NRG1: variants seen among roughly 807,000 people sequenced by gnomAD.
NRG1 encodes pro-neuregulin-1, membrane-bound isoform.
A neutral mutation model predicts 63.8 loss-of-function variants in NRG1; 18 were observed. That is an observed-to-expected ratio of 0.28 (90% CI 0.19 to 0.42). NRG1 has a LOEUF of 0.42. Ranked by LOEUF, NRG1 falls within the 10% of genes least tolerant of loss-of-function variation. The probability of loss-of-function intolerance (pLI) is 1.00; values close to 1 mark genes in which losing one functional copy is unlikely to be tolerated. For missense variants in NRG1, 762 were observed against 814.7 expected, an observed-to-expected ratio of 0.94 and a Z score of 0.79; for synonymous variants, 302 against 301.3, an observed-to-expected ratio of 1.00 and a Z score of -0.02.
intron 1 of NRG1, among the ~76,000 whole-genome samples, chr8:32,428,093 C>T (rs1457942827): frequency 1.3e-5 from 2 of 152,174 alleles, no homozygotes; most frequent in South Asian, 2.1e-4. Flanking sequence ...TCTCTCTTCT[C>T]ATATTGATGT....
chr8:31,809,685 C>G (rs1203467032), intron 1 of NRG1, among the ~76,000 whole-genome samples: 1 of 147,646 alleles, frequency 6.8e-6, no homozygotes, highest in Non-Finnish European at 1.5e-5. Context: ...TATTGAATCC[C>G]TTAAGCTAGT....
chr8:31,965,469 C>G (rs375002742), intron 1 of NRG1, among the ~76,000 whole-genome samples: 2 of 152,060 alleles, frequency 1.3e-5, no homozygotes, highest in Non-Finnish European at 2.9e-5. Flanking sequence ...GTGATCCACC[C>G]GCCTTGGCCT....
At chr8:31,670,543 T>G (rs895843387) in intron 1 of NRG1, among the ~76,000 whole-genome samples, 1 of 151,868 alleles carries the variant, frequency 6.6e-6, no homozygotes, top group African/African-American at 2.4e-5. Context: ...AATGTACTAC[T>G]GTACAGCTGA....
intron 1 of NRG1, among the ~76,000 whole-genome samples, chr8:32,536,233 C>T (rs1164100680): frequency 6.6e-6 from 1 of 152,184 alleles, no homozygotes; most frequent in East Asian, 1.9e-4. Flanking sequence ...AGTCCTCTTC[C>T]AAGTCCATTC....
intron 1 of NRG1, among the ~76,000 whole-genome samples, chr8:32,352,888 A>AAT (rs1337916686): frequency 7.3e-6 from 1 of 137,770 alleles, no homozygotes. Context: ...AATTTTTTAA[A>AAT]ATATATATAT....
intron 1 of NRG1, among the ~76,000 whole-genome samples, chr8:32,327,237 C>T (rs1040301632): frequency 1.3e-5 from 2 of 152,202 alleles, no homozygotes; most frequent in Non-Finnish European, 2.9e-5. Context: ...TGTGATCCAA[C>T]TTTTCTTCCA....
chr8:32,570,836 A>G (rs1218607069), intron 1 of NRG1, among the ~76,000 whole-genome samples: 2 of 152,202 alleles, frequency 1.3e-5, no homozygotes, highest in African/African-American at 2.4e-5. Context: ...TTATGTTAAT[A>G]TGAATTATGA....
chr8:32,048,446 C>CAT (rs869311093), intron 1 of NRG1, among the ~76,000 whole-genome samples: 505 of 6,616 alleles, frequency 0.076, 4 homozygotes, highest in African/African-American at 0.08. Context: ...TATATACATA[C>CAT]ATATATATAT....
intron 1 of NRG1, among the ~76,000 whole-genome samples, chr8:31,656,787 C>G (rs547360526): frequency 1.3e-4 from 20 of 152,258 alleles, no homozygotes; most frequent in African/African-American, 4.3e-4. Flanking sequence ...TTTTTCTTGG[C>G]ACACTGACTT....
chr8:32,315,434 T>C (rs1470413302), intron 1 of NRG1, among the ~76,000 whole-genome samples: 1 of 152,244 alleles, frequency 6.6e-6, no homozygotes, highest in African/African-American at 2.4e-5. Flanking sequence ...GGCTACATAG[T>C]ATTCTATGGT....
intron 1 of NRG1, among the ~76,000 whole-genome samples, chr8:31,663,446 G>C (rs556624777): frequency 6.6e-6 from 1 of 152,278 alleles, no homozygotes; most frequent in East Asian, 1.9e-4. Flanking sequence ...CACTGCCCAA[G>C]GAGGGGCCAT....
At chr8:32,468,531 C>A (rs1324742288) in intron 1 of NRG1, among the ~76,000 whole-genome samples, 1 of 152,190 alleles carries the variant, frequency 6.6e-6, no homozygotes, top group African/African-American at 2.4e-5. Context: ...CTTTTCACAA[C>A]TTCTCTTTAA....
chr8:32,296,804 C>T (rs564783524), intron 1 of NRG1, among the ~76,000 whole-genome samples: 2 of 152,062 alleles, frequency 1.3e-5, no homozygotes, highest in Non-Finnish European at 2.9e-5. Context: ...TCTAGAGTTA[C>T]TTTTATTCAT....
chr8:32,771,715 A>AAAAAATATAT (rs1343943621), downstream of NRG1, among the ~76,000 whole-genome samples: 513 of 111,822 alleles, frequency 4.6e-3, 5 homozygotes, highest in African/African-American at 0.016. Flanking sequence ...TTAAAAAAAA[A>AAAAAATATAT]ATATATATAT....
chr8:31,946,614 CTTT>C (rs1802581531), intron 1 of NRG1, among the ~76,000 whole-genome samples: 3 of 5,500 alleles, frequency 5.5e-4, no homozygotes, highest in Admixed American at 5.3e-3. Context: ...GTATATCACT[CTTT>C]ATGATTACAC....
rs193274833 is a variant in NRG1 at position 32,692,340 on chromosome 8, T to G, written c.503-35609T>G. 6.2e-4 allele frequency among the ~76,000 whole-genome samples: 95 copies of G among 152,286 alleles called. 1 individual carries two copies. The highest frequency in any genetic ancestry group is 1.4e-3 in the East Asian group (7 of 5,170). ...AGTTTCATTCAGTCTCTTAGCAAAG[T>G]CAATTTGTCCAGCAGCACACAATTT... On this transcript the variant is annotated intron_variant, in intron 5 of 11. Coordinates refer to ENST00000356819, the Ensembl canonical transcript of NRG1.
intron 1 of NRG1, among the ~76,000 whole-genome samples, chr8:32,258,194 GGAA>G (rs1197697862): frequency 6.6e-6 from 1 of 152,186 alleles, no homozygotes; most frequent in African/African-American, 2.4e-5. Flanking sequence ...TACGTGTGAA[GGAA>G]GGAGAGGATT....
At position 31,643,862 on chromosome 8, in the gene NRG1, G is replaced by A. The variant is rs535445449; in HGVS notation, c.37+4431G>A. On this transcript the variant is annotated intron_variant, in intron 1 of 10. Coordinates refer to the NRG1 transcript ENST00000519301. The stretch of plus-strand genomic sequence containing the variant: ...TTCCAAAAAGGAGTACAAACACTGA[G>A]GTTGAATAACATCTACAATTGGGCT... Among the ~76,000 whole-genome samples, 12 of 152,316 alleles carry A rather than the reference G, an allele frequency of 7.9e-5. No individual in the cohort carries two copies. The East Asian group carries it at 2.1e-3, about 27-fold the overall frequency.
In NRG1 at chr8:32,727,413, C is replaced by A. The variant is rs528921228; in HGVS notation, c.503-536C>A. Reference sequence around the variant, plus strand: ...TTCTAATCTGCATGTTGATATGTATCTGACTAATAATCTATAATGTTTTCA... The same window carrying A: ...TTCTAATCTGCATGTTGATATGTATATGACTAATAATCTATAATGTTTTCA... On this transcript the variant is annotated intron_variant, in intron 5 of 11. Coordinates refer to ENST00000356819, the Ensembl canonical transcript of NRG1. Among the ~76,000 whole-genome samples, 7 of 152,242 alleles carry A rather than the reference C, an allele frequency of 4.6e-5. No homozygotes were observed. In the South Asian group the frequency reaches 1.5e-3, roughly 32 times the overall value.
Sources: allele counts gnomAD v4.1 joint callset (sites outside exome capture counted in the v4.1 genomes callset), GRCh38; gene constraint gnomAD v4.1.1; transcripts MANE v1.5; gene names NCBI Gene and HGNC (gene_info 2026-07-23, HGNC 2026-07-21).